TMCO5A: variants seen among roughly 807,000 people sequenced by gnomAD.
The protein encoded by TMCO5A is transmembrane and coiled-coil domain-containing protein 5A.
TMCO5A carries 34 observed loss-of-function variants against 42.3 expected under a neutral mutation model. The observed-to-expected ratio is 0.80, with a 90% CI of 0.61 to 1.07. The LOEUF (loss-of-function observed/expected upper bound fraction) is 1.07. Among genes scored for constraint, TMCO5A ranks in the 50% least tolerant of loss-of-function variants. The pLI is 0.00. For synonymous variants in TMCO5A, 131 were observed against 115.6 expected, an observed-to-expected ratio of 1.13 and a Z score of -0.86; for missense variants, 357 against 327.9, an observed-to-expected ratio of 1.09 and a Z score of -0.69.
the TMCO5A span, among the ~76,000 whole-genome samples, chr15:38,026,449 T>C: frequency 3.3e-5 from 5 of 152,202 alleles, no homozygotes; most frequent in African/African-American, 1.2e-4. Context: ...AAGAAATTTC[T>C]AAGCAGCAAA....
chr15:37,972,732 G>C, the TMCO5A span, among the ~76,000 whole-genome samples: 4 of 152,100 alleles, frequency 2.6e-5, no homozygotes, highest in African/African-American at 9.7e-5. Flanking sequence ...TCTGTAGGCT[G>C]TTTACTCTGT....
chr15:37,983,068 A>G, the TMCO5A span, among the ~76,000 whole-genome samples: 1 of 152,118 alleles, frequency 6.6e-6, no homozygotes, highest in Admixed American at 6.5e-5. Context: ...CAGTAAAACT[A>G]AAGTTTGGGA....
chr15:38,029,548 C>T, the TMCO5A span, among the ~76,000 whole-genome samples: 1 of 150,658 alleles, frequency 6.6e-6, no homozygotes, highest in Non-Finnish European at 1.5e-5. Context: ...GCAACCTCAA[C>T]CTCTGGGCTC....
At chr15:38,019,992 T>C in the TMCO5A span, among the ~76,000 whole-genome samples, 1 of 151,254 alleles carries the variant, frequency 6.6e-6, no homozygotes, top group South Asian at 2.1e-4. Flanking sequence ...TTAAATGTAA[T>C]TAAAAAAATT....
At chr15:37,972,084 C>A (rs1890684026), downstream of TMCO5A, among the ~76,000 whole-genome samples, 1 of 152,184 alleles carries the variant, frequency 6.6e-6, no homozygotes, top group Non-Finnish European at 1.5e-5. Context: ...CTGATGAAGA[C>A]ATACCTGAGA....
At chr15:37,969,501 A>G, downstream of TMCO5A, among the ~76,000 whole-genome samples, 1 of 152,222 alleles carries the variant, frequency 6.6e-6, no homozygotes. Flanking sequence ...ACCCAACACT[A>G]TGTCACTGCC....
At chr15:37,958,974 A>G (rs1478566872) in intron 11 of TMCO5A, among the ~76,000 whole-genome samples, 1 of 152,124 alleles carries the variant, frequency 6.6e-6, no homozygotes, top group Non-Finnish European at 1.5e-5. Flanking sequence ...TTGCAGGGCC[A>G]TGGATGAAGC....
At chr15:37,964,488 G>A (rs1471811702) in intron 11 of TMCO5A, among the ~76,000 whole-genome samples, 1 of 151,882 alleles carries the variant, frequency 6.6e-6, no homozygotes, top group Non-Finnish European at 1.5e-5. Flanking sequence ...AAGTTGATCT[G>A]GAGCTAAAAT....
At chr15:38,032,050 G>A in the TMCO5A span, among the ~76,000 whole-genome samples, 1 of 152,074 alleles carries the variant, frequency 6.6e-6, no homozygotes, top group East Asian at 1.9e-4. Context: ...CTGATTCCCA[G>A]GTTCAAGCGA....
chr15:37,960,073 A>T (rs536416725), intron 11 of TMCO5A, among the ~76,000 whole-genome samples: 14 of 152,004 alleles, frequency 9.2e-5, no homozygotes, highest in African/African-American at 3.4e-4. Flanking sequence ...TAAGTTCTTT[A>T]GTGGTGATTT....
chr15:37,974,438 A>T, the TMCO5A span, among the ~76,000 whole-genome samples: 1 of 152,106 alleles, frequency 6.6e-6, no homozygotes, highest in African/African-American at 2.4e-5. Flanking sequence ...TTCAGAACTC[A>T]TTATTGGTTT....
the TMCO5A span, among the ~76,000 whole-genome samples, chr15:38,025,685 G>T: frequency 6.6e-6 from 1 of 152,084 alleles, no homozygotes; most frequent in Admixed American, 6.6e-5. Flanking sequence ...GCCCTGATAA[G>T]GTTTGACTCT....
intron 6 of TMCO5A, among the ~76,000 whole-genome samples, chr15:37,940,567 G>A (rs2140263566): frequency 6.6e-6 from 1 of 152,028 alleles, no homozygotes; most frequent in South Asian, 2.1e-4. Flanking sequence ...TTCCTTCATA[G>A]CACATACCAT....
the TMCO5A span, among the ~76,000 whole-genome samples, chr15:38,016,077 C>A: frequency 6.6e-6 from 1 of 152,018 alleles, no homozygotes; most frequent in Non-Finnish European, 1.5e-5. Context: ...GATACTGGGA[C>A]GTCAATGTAG....
At chr15:37,975,048 T>G in the TMCO5A span, among the ~76,000 whole-genome samples, 1 of 152,196 alleles carries the variant, frequency 6.6e-6, no homozygotes, top group African/African-American at 2.4e-5. Context: ...AACAGTGTGC[T>G]TTTGAGGAGT....
downstream of TMCO5A, among the ~76,000 whole-genome samples, chr15:37,956,052 A>G (rs9672811): frequency 0.065 from 9,828 of 152,292 alleles, 435 homozygotes; most frequent in Middle Eastern, 0.11. Flanking sequence ...ACCAATGAGA[A>G]CAAAGACGCA....
intron 11 of TMCO5A, among the ~76,000 whole-genome samples, chr15:37,959,393 A>G (rs1890367484): frequency 6.6e-6 from 1 of 152,002 alleles, no homozygotes; most frequent in Non-Finnish European, 1.5e-5. Flanking sequence ...CCAGACAAAG[A>G]CACGTCAAAA....
the TMCO5A span, among the ~76,000 whole-genome samples, chr15:38,015,595 T>G: frequency 2.0e-5 from 3 of 152,204 alleles, no homozygotes; most frequent in Admixed American, 2.0e-4. Context: ...CAAAAGGTGT[T>G]TTCACAAAGA....
At chr15:38,008,325 G>A in the TMCO5A span, among the ~76,000 whole-genome samples, 3 of 152,158 alleles carry the variant, frequency 2.0e-5, no homozygotes, top group African/African-American at 7.2e-5. Context: ...AATACCGACC[G>A]TGGTACTCAG....
Sources: gnomAD v4.1 joint callset for allele counts (sites outside exome capture counted in the v4.1 genomes callset) on GRCh38, gnomAD v4.1.1 for gene constraint, MANE v1.5 for transcripts, NCBI Gene and HGNC (gene_info 2026-07-23, HGNC 2026-07-21) for gene names.